The following NCKAP5 variants were observed in gnomAD, a reference collection of about 807,000 sequenced individuals.
NCKAP5 encodes the protein nck-associated protein 5.
Under a neutral mutation model 167.0 loss-of-function variants are expected in NCKAP5, and 92 were observed. The ratio of observed to expected loss-of-function variants is 0.55; its 90% CI spans 0.47 to 0.66. The LOEUF is 0.66. Ranked by LOEUF, NCKAP5 falls within the 30% of genes least tolerant of loss-of-function variation. NCKAP5 has a pLI of 0.00. For missense variants in NCKAP5, 2,378 were observed against 2,315.0 expected, an observed-to-expected ratio of 1.03 and a Z score of -0.56; for synonymous variants, 891 against 877.4, an observed-to-expected ratio of 1.02 and a Z score of -0.27.
chr2:133,655,339 T>A, the NCKAP5 span, among the ~76,000 whole-genome samples: 1 of 152,232 alleles, frequency 6.6e-6, no homozygotes, highest in Admixed American at 6.5e-5. Flanking sequence ...AATTTGTTTC[T>A]GGTTTAGTTT....
intron 8 of NCKAP5, among the ~76,000 whole-genome samples, chr2:132,958,573 G>A (rs1264286344): frequency 2.0e-5 from 3 of 152,102 alleles, no homozygotes; most frequent in African/African-American, 4.8e-5. Context: ...GGCTTAACCA[G>A]GTCTGGCCCT....
chr2:132,785,378 G>T lies in NCKAP5; in HGVS notation c.1433C>A (p.Ala478Glu). Residue 478 changes from alanine to glutamate, a missense_variant, in exon 14 of 20, where the codon GCG becomes GAG. By Grantham distance (107) the Ala-to-Glu change is moderately radical. Coordinates refer to ENST00000409261, the MANE Select transcript of NCKAP5 (RefSeq NM_207363.3). The stretch of plus-strand genomic sequence containing the variant: ...TGCTAAGGTGGAAGGGTCATCGTCC[G>T]CATCAACGTGGGAATCTAGATCATA... Reference protein sequence around the residue: ...FVYDLDSHVDADDDPSTLALL... With the variant: ...FVYDLDSHVDEDDDPSTLALL... 1.2e-6 allele frequency: 2 copies of T among 1,613,998 alleles called. No homozygotes were observed. Among genetic ancestry groups the T allele is most frequent in the East Asian group, 4.5e-5 (2 of 44,878 alleles).
intron 19 of NCKAP5, among the ~76,000 whole-genome samples, chr2:132,684,830 A>C (rs774477415): frequency 1.3e-5 from 2 of 152,134 alleles, no homozygotes; most frequent in Admixed American, 1.3e-4. Flanking sequence ...CCAGAGGGAG[A>C]GGGCACTGCT....
intron 6 of NCKAP5, among the ~76,000 whole-genome samples, chr2:133,040,815 G>A (rs144794859): frequency 2.6e-5 from 4 of 152,262 alleles, no homozygotes; most frequent in Non-Finnish European, 4.4e-5. Flanking sequence ...TATTTGAAAC[G>A]GGAGGTTGTG....
At chr2:133,465,017 TA>T (rs1158038293) in intron 3 of NCKAP5, among the ~76,000 whole-genome samples, 3 of 151,522 alleles carry the variant, frequency 2.0e-5, no homozygotes, top group Non-Finnish European at 2.9e-5. Context: ...TTTTTTTTTT[TA>T]TTATTATACT....
chr2:132,836,675 T>C (rs1687910990), intron 11 of NCKAP5, among the ~76,000 whole-genome samples: 2 of 152,168 alleles, frequency 1.3e-5, no homozygotes, highest in Admixed American at 1.3e-4. Flanking sequence ...ATATATATTG[T>C]CTTTTATTCT....
chr2:133,464,067 C>T (rs180912094), intron 3 of NCKAP5, among the ~76,000 whole-genome samples: 5 of 152,230 alleles, frequency 3.3e-5, no homozygotes, highest in Admixed American at 2.0e-4. Context: ...CTGCATGCCC[C>T]AACTTTCCAT....
intron 7 of NCKAP5, among the ~76,000 whole-genome samples, chr2:132,968,639 A>G (rs1301837947): frequency 6.6e-6 from 1 of 152,192 alleles, no homozygotes; most frequent in East Asian, 1.9e-4. Flanking sequence ...AGAACAGAAA[A>G]AAGCACCTCT....
chr2:132,797,503 G>A (rs1042962437), intron 11 of NCKAP5, among the ~76,000 whole-genome samples: 2 of 152,132 alleles, frequency 1.3e-5, no homozygotes, highest in African/African-American at 4.8e-5. Flanking sequence ...CTAGGCTGAT[G>A]ACATTTTGAA....
the NCKAP5 span, among the ~76,000 whole-genome samples, chr2:133,587,363 A>G: frequency 1.3e-5 from 2 of 152,176 alleles, no homozygotes; most frequent in Non-Finnish European, 2.9e-5. Flanking sequence ...TCAGGTAATA[A>G]TCATTGTGTG....
intron 10 of NCKAP5, among the ~76,000 whole-genome samples, chr2:132,861,850 C>G (rs140128159): frequency 1.3e-5 from 2 of 152,306 alleles, no homozygotes; most frequent in East Asian, 1.9e-4. Context: ...TTTCACCAGA[C>G]AAGCTCAAGA....
chr2:133,200,344 A>C (rs897331359), intron 5 of NCKAP5, among the ~76,000 whole-genome samples: 10 of 152,058 alleles, frequency 6.6e-5, no homozygotes, highest in African/African-American at 2.2e-4. Context: ...CTGATTTTTA[A>C]AAAGAGCACC....
At chr2:133,055,899 G>T (rs563227390) in intron 6 of NCKAP5, among the ~76,000 whole-genome samples, 26 of 151,944 alleles carry the variant, frequency 1.7e-4, no homozygotes, top group Non-Finnish European at 3.7e-4. Flanking sequence ...TTGCTTAGAG[G>T]GTGTTTATTT....
intron 5 of NCKAP5, among the ~76,000 whole-genome samples, chr2:133,132,486 C>CAG (rs2082640422): frequency 7.0e-6 from 1 of 142,970 alleles, no homozygotes; most frequent in African/African-American, 2.7e-5. Flanking sequence ...AAAAAGCACA[C>CAG]ACACACACAC....
At chr2:132,912,555 C>T (rs1694539470) in intron 8 of NCKAP5, among the ~76,000 whole-genome samples, 1 of 152,160 alleles carries the variant, frequency 6.6e-6, no homozygotes, top group African/African-American at 2.4e-5. Context: ...GCCCTGCTTC[C>T]TATGGTTCCT....
chr2:133,371,706 G>A (rs1449942471), intron 3 of NCKAP5, among the ~76,000 whole-genome samples: 2 of 152,116 alleles, frequency 1.3e-5, no homozygotes. Flanking sequence ...ACTAGCTTGT[G>A]GTTTAACCTC....
At chr2:132,857,281 T>C (rs1689548285) in intron 11 of NCKAP5, among the ~76,000 whole-genome samples, 1 of 152,212 alleles carries the variant, frequency 6.6e-6, no homozygotes, top group African/African-American at 2.4e-5. Flanking sequence ...GAGGAGCAGT[T>C]TGCATGCAGA....
At chr2:133,070,818 T>C (rs574055930) in intron 6 of NCKAP5, among the ~76,000 whole-genome samples, 21 of 152,340 alleles carry the variant, frequency 1.4e-4, no homozygotes, top group African/African-American at 4.8e-4. Context: ...ACATGAGATA[T>C]ACATACATGA....
At chr2:133,453,910 C>T (rs1352454304) in intron 3 of NCKAP5, among the ~76,000 whole-genome samples, 1 of 151,820 alleles carries the variant, frequency 6.6e-6, no homozygotes, top group Admixed American at 6.6e-5. Flanking sequence ...TTTTGAGCCC[C>T]CCCACCACCG....
Sources: allele counts gnomAD v4.1 joint callset (sites outside exome capture counted in the v4.1 genomes callset), GRCh38; gene constraint gnomAD v4.1.1; transcripts MANE v1.5; gene names NCBI Gene and HGNC (gene_info 2026-07-23, HGNC 2026-07-21).